DRC9: variants seen among roughly 807,000 people sequenced by gnomAD.
DRC9 encodes the protein dynein regulatory complex protein 9.
the DRC9 span, among the ~76,000 whole-genome samples, chr3:197,916,733 C>T: frequency 2.0e-5 from 3 of 152,044 alleles, no homozygotes; most frequent in African/African-American, 4.8e-5. Context: ...TCTAAGTAAC[C>T]ATTGGAAGAA....
chr3:197,953,493 ATTAACCCCTTGGTGTCTTCAGTC>A, the DRC9 span: 152 of 456,610 alleles, frequency 3.3e-4, 9 homozygotes, highest in South Asian at 2.3e-3. Context: ...CTCAGCTGGG[ATTAACCCCTTGGTGTCTTCAGTC>A]TTTCTTCCGG....
At chr3:197,905,203 G>A in the DRC9 span, among the ~76,000 whole-genome samples, 23,873 of 152,050 alleles carry the variant, frequency 0.16, 2,118 homozygotes, top group African/African-American at 0.23. Flanking sequence ...TAATTTAATT[G>A]TAAATTTAAA....
the DRC9 span, among the ~76,000 whole-genome samples, chr3:197,890,774 C>T: frequency 1.3e-5 from 2 of 152,148 alleles, no homozygotes; most frequent in Non-Finnish European, 2.9e-5. Context: ...TATGGGAAGC[C>T]CAACTTTGGG....
chr3:197,902,929 T>C, the DRC9 span, among the ~76,000 whole-genome samples: 47 of 152,284 alleles, frequency 3.1e-4, no homozygotes, highest in Admixed American at 8.5e-4. Context: ...TTTGAAATTA[T>C]ACTATAGAGC....
At chr3:197,943,082 G>A in the DRC9 span, among the ~76,000 whole-genome samples, 34 of 152,184 alleles carry the variant, frequency 2.2e-4, no homozygotes, top group African/African-American at 7.9e-4. Context: ...TGATAACTCA[G>A]TGCTGCTTCA....
chr3:197,899,165 T>G, the DRC9 span, among the ~76,000 whole-genome samples: 1 of 152,184 alleles, frequency 6.6e-6, no homozygotes, highest in Non-Finnish European at 1.5e-5. Context: ...ATAGCTCCAA[T>G]TAAATATAAC....
chr3:197,945,755 C>A, the DRC9 span: 1 of 671,580 alleles, frequency 1.5e-6, no homozygotes, highest in South Asian at 1.9e-5. Context: ...TATTTCTATA[C>A]CATTTCATTA....
chr3:197,937,178 C>T, the DRC9 span, among the ~76,000 whole-genome samples: 2 of 152,186 alleles, frequency 1.3e-5, no homozygotes, highest in South Asian at 4.1e-4. Flanking sequence ...TAAAAACTCT[C>T]ATTTACCAAA....
chr3:197,948,082 A>G, the DRC9 span, among the ~76,000 whole-genome samples: 8 of 151,310 alleles, frequency 5.3e-5, no homozygotes, highest in African/African-American at 1.9e-4. Context: ...ACAGGCACAC[A>G]CCAACACCCC....
chr3:197,945,954 T>C, the DRC9 span, among the ~76,000 whole-genome samples: 1 of 152,348 alleles, frequency 6.6e-6, no homozygotes, highest in South Asian at 2.1e-4. Context: ...AAATTAATGT[T>C]CAACGTGGTT....
At chr3:197,912,054 T>C in the DRC9 span, among the ~76,000 whole-genome samples, 1 of 152,118 alleles carries the variant, frequency 6.6e-6, no homozygotes, top group Admixed American at 6.6e-5. Flanking sequence ...TTGGTTTTTG[T>C]TTTTGAGACG....
chr3:197,943,635 T>TC, the DRC9 span: 5 of 759,548 alleles, frequency 6.6e-6, no homozygotes, highest in South Asian at 1.9e-5. Flanking sequence ...CGAGACCCTG[T>TC]CAAAAAAAAA....
At chr3:197,936,910 G>A in the DRC9 span, among the ~76,000 whole-genome samples, 6 of 152,138 alleles carry the variant, frequency 3.9e-5, no homozygotes, top group Non-Finnish European at 7.4e-5. Flanking sequence ...GCAGATCTGG[G>A]CCAGGCTGAC....
the DRC9 span, chr3:197,949,704 G>A: frequency 9.6e-4 from 193 of 201,736 alleles, 1 homozygote; most frequent in African/African-American, 4.4e-3. Context: ...AGAAAAAAGA[G>A]AAGGAAGAGG....
At chr3:197,913,996 A>G in the DRC9 span, 3 of 1,613,980 alleles carry the variant, frequency 1.9e-6, no homozygotes, top group East Asian at 6.7e-5. Flanking sequence ...TTTTGCCTTC[A>G]TCTCTTGCAG....
the DRC9 span, chr3:197,956,970 TG>T: frequency 6.6e-6 from 1 of 152,200 alleles, no homozygotes; most frequent in Non-Finnish European, 1.5e-5. Context: ...AACAAGAAAC[TG>T]GGAGTTTGCC....
the DRC9 span, chr3:197,954,554 G>A: frequency 6.3e-6 from 2 of 317,276 alleles, no homozygotes; most frequent in Non-Finnish European, 1.2e-5. Flanking sequence ...TTGTCACGCA[G>A]GCTGGAGTGC....
At chr3:197,910,258 C>G in the DRC9 span, among the ~76,000 whole-genome samples, 1 of 152,022 alleles carries the variant, frequency 6.6e-6, no homozygotes, top group Non-Finnish European at 1.5e-5. Context: ...TATGGTGGCA[C>G]CACTGCACTG....
At chr3:197,933,675 C>T in the DRC9 span, among the ~76,000 whole-genome samples, 1 of 152,008 alleles carries the variant, frequency 6.6e-6, no homozygotes, top group Non-Finnish European at 1.5e-5. Flanking sequence ...TCTCTAGTCC[C>T]AGTCCCCTCA....
Sources: gnomAD v4.1 joint callset for allele counts (sites outside exome capture counted in the v4.1 genomes callset) on GRCh38, gnomAD v4.1.1 for gene constraint, MANE v1.5 for transcripts, NCBI Gene and HGNC (gene_info 2026-07-23, HGNC 2026-07-21) for gene names.